The following BAZ2B variants were observed in gnomAD, a reference collection of about 807,000 sequenced individuals.
The protein encoded by BAZ2B is bromodomain adjacent to zinc finger domain 2B.
A neutral mutation model predicts 246.0 loss-of-function variants in BAZ2B; 91 were observed. That is an observed-to-expected ratio of 0.37 (90% CI 0.31 to 0.44). The LOEUF (loss-of-function observed/expected upper bound fraction) is 0.44, where lower values mean the gene tolerates loss of function less well. BAZ2B is among the 20% of genes least tolerant of loss of function. The pLI, the probability that BAZ2B is intolerant of heterozygous loss-of-function variation, is 1.00. For missense variants in BAZ2B, 2,332 were observed against 2,533.7 expected, an observed-to-expected ratio of 0.92 and a Z score of 1.71; for synonymous variants, 855 against 860.0, an observed-to-expected ratio of 0.99 and a Z score of 0.10.
At position 159,448,282 on chromosome 2, in the gene BAZ2B, T is replaced by G; in HGVS notation, c.462A>C (p.Ser154=). Reference sequence around the variant, plus strand: ...TTCGATTACTTTTTCCCGAAGTCCTTGAATGGAATGAAGAAGAATCATGAT... The same window carrying G: ...TTCGATTACTTTTTCCCGAAGTCCTGGAATGGAATGAAGAAGAATCATGAT... The part of the protein sequence containing the change: ...AQNHDSSSFH[S]RTSGKSNRNG... Residue 154 remains serine (S), a synonymous_variant, in exon 5 of 37, where the codon TCA becomes TCC. Transcript: ENST00000392783. 6.2e-7 allele frequency: 1 copy of G among 1,612,930 alleles called. No homozygotes were observed. The highest frequency in any genetic ancestry group is 8.5e-7 in the Non-Finnish European group (1 of 1,179,730).
In BAZ2B at chr2:159,547,577, T is replaced by C. The variant is rs563245971; in HGVS notation, c.-3+8246A>G. Among the ~76,000 whole-genome samples the C allele has an allele frequency of 2.8e-4, 43 of 152,314 alleles. No individual in the cohort carries two copies. The South Asian group carries it at 3.7e-3, about 13-fold the overall frequency. ...TTATATCTCACAGCAGAAGTGTGCA[T>C]TGGTGTTCTACAAAGTGTGAGTGGA... On this transcript the variant is annotated intron_variant, in intron 2 of 36. Transcript: ENST00000392783.
At chr2:159,679,202 G>A in the BAZ2B span, among the ~76,000 whole-genome samples, 1 of 150,512 alleles carries the variant, frequency 6.6e-6, no homozygotes, top group African/African-American at 2.5e-5. Context: ...AAGCTGGGAG[G>A]CGGAGCTTGC....
chr2:159,353,710 C>T (rs1326094094), intron 27 of BAZ2B, among the ~76,000 whole-genome samples: 1 of 152,136 alleles, frequency 6.6e-6, no homozygotes, highest in Non-Finnish European at 1.5e-5. Context: ...GAATAGTTCC[C>T]GTTCCTACCC....
At chr2:159,491,847 C>A (rs1453528664) in intron 2 of BAZ2B, among the ~76,000 whole-genome samples, 1 of 150,008 alleles carries the variant, frequency 6.7e-6, no homozygotes, top group East Asian at 2.0e-4. Context: ...TAATAGAAGT[C>A]AAAATTCTCC....
chr2:159,521,491 A>G (rs1298397419), intron 2 of BAZ2B, among the ~76,000 whole-genome samples: 3 of 152,230 alleles, frequency 2.0e-5, no homozygotes, highest in Middle Eastern at 3.4e-3. Flanking sequence ...CAGACATTGC[A>G]TAACAATGAG....
the BAZ2B span, among the ~76,000 whole-genome samples, chr2:159,684,124 C>T: frequency 6.6e-6 from 1 of 152,220 alleles, no homozygotes; most frequent in Non-Finnish European, 1.5e-5. Flanking sequence ...ACATGAGATT[C>T]ATCCATGTTG....
chr2:159,329,248 A>G (rs961625610), intron 34 of BAZ2B, among the ~76,000 whole-genome samples: 1 of 152,194 alleles, frequency 6.6e-6, no homozygotes, highest in Non-Finnish European at 1.5e-5. Context: ...CTATTTGCAT[A>G]GCATTTATTG....
rs149903109 is a variant in BAZ2B at position 159,610,052 on chromosome 2, T to C, written c.-46+6190A>G. 2.7e-3 allele frequency among the ~76,000 whole-genome samples: 404 copies of C among 152,324 alleles called. 3 individuals carry two copies. The highest frequency in any genetic ancestry group is 9.2e-3 in the African/African-American group (382 of 41,592). ...CTTCTGAACAAATAGGACCGAACTA[T>C]TGGCATTTCATGCACTAGGTCCATT... On this transcript the variant is annotated intron_variant, in intron 1 of 36. Coordinates refer to ENST00000392783, the MANE Select transcript of BAZ2B (RefSeq NM_013450.4).
chr2:159,525,872 G>T (rs1425335861), intron 2 of BAZ2B, among the ~76,000 whole-genome samples: 1 of 152,160 alleles, frequency 6.6e-6, no homozygotes, highest in Non-Finnish European at 1.5e-5. Context: ...CACACTAAGT[G>T]TTTGATTTTA....
At chr2:159,514,865 A>T (rs1357643012) in intron 2 of BAZ2B, among the ~76,000 whole-genome samples, 2 of 152,146 alleles carry the variant, frequency 1.3e-5, no homozygotes, top group Non-Finnish European at 2.9e-5. Context: ...AGGCACTATT[A>T]TAACTTTTAC....
At chr2:159,510,095 A>C (rs1577943449) in intron 2 of BAZ2B, among the ~76,000 whole-genome samples, 1 of 152,234 alleles carries the variant, frequency 6.6e-6, no homozygotes, top group Non-Finnish European at 1.5e-5. Flanking sequence ...AATATGTAGA[A>C]GAGGAAAATT....
intron 27 of BAZ2B, among the ~76,000 whole-genome samples, chr2:159,356,218 T>C (rs887923547): frequency 1.7e-4 from 26 of 152,264 alleles, no homozygotes; most frequent in Admixed American, 9.8e-4. Flanking sequence ...TCACAGAGTC[T>C]AGCAAGCTAA....
At chr2:159,656,789 G>A in the BAZ2B span, among the ~76,000 whole-genome samples, 5 of 152,164 alleles carry the variant, frequency 3.3e-5, no homozygotes, top group East Asian at 1.9e-4. Context: ...TTTGCCATAC[G>A]TATCTTTTCT....
At chr2:159,336,210 A>G (rs1279140598) in intron 33 of BAZ2B, among the ~76,000 whole-genome samples, 1 of 152,214 alleles carries the variant, frequency 6.6e-6, no homozygotes. Context: ...ACTACATATA[A>G]TAGATAATTC....
the BAZ2B span, among the ~76,000 whole-genome samples, chr2:159,702,875 C>A: frequency 6.6e-6 from 1 of 151,866 alleles, no homozygotes; most frequent in East Asian, 2.0e-4. Flanking sequence ...CCAGTCTCTA[C>A]TAAAAATACA....
At chr2:159,358,320 C>G (rs1290366764) in intron 27 of BAZ2B, among the ~76,000 whole-genome samples, 1 of 152,060 alleles carries the variant, frequency 6.6e-6, no homozygotes. Flanking sequence ...ATCCTAGTCT[C>G]TGATAAAACA....
intron 2 of BAZ2B, among the ~76,000 whole-genome samples, chr2:159,546,620 C>G (rs1028502026): frequency 2.6e-5 from 4 of 151,114 alleles, no homozygotes; most frequent in Admixed American, 6.6e-5. Context: ...TATTTTTGTT[C>G]TTTTCTCATT....
chr2:159,431,069 GTATCAC>G lies in BAZ2B; in HGVS notation c.1982_1987del (p.Ser661_Asp662del). 6.2e-7 allele frequency: 1 copy of G among 1,613,994 alleles called. No homozygotes were observed. The highest frequency in any genetic ancestry group is 8.5e-7 in the Non-Finnish European group (1 of 1,179,912). On this transcript the variant is annotated inframe_deletion, in exon 10 of 37. Coordinates refer to ENST00000392783, the MANE Select transcript of BAZ2B (RefSeq NM_013450.4). ...TTTCATTGAAGTTTTCTCTCCTTCA[GTATCAC>G]TATCTGATTCATCTTGGTCTTTATC... is the stretch of plus-strand genomic sequence containing the variant.
At chr2:159,514,715 T>C (rs980801265) in intron 2 of BAZ2B, among the ~76,000 whole-genome samples, 1 of 152,140 alleles carries the variant, frequency 6.6e-6, no homozygotes. Context: ...ACTTTCTCAT[T>C]GATAAAAATG....
Sources: allele counts gnomAD v4.1 joint callset (sites outside exome capture counted in the v4.1 genomes callset), GRCh38; gene constraint gnomAD v4.1.1; transcripts MANE v1.5; gene names NCBI Gene and HGNC (gene_info 2026-07-23, HGNC 2026-07-21).